FRMD3: variants seen among roughly 807,000 people sequenced by gnomAD.
FRMD3 encodes FERM domain containing 3.
In FRMD3, 33 loss-of-function variants were observed where a neutral mutation model predicts 70.2. The ratio of observed to expected loss-of-function variants is 0.47; its 90% CI spans 0.36 to 0.63. FRMD3 has a LOEUF of 0.63. FRMD3 is among the 20% of genes least tolerant of loss of function. FRMD3 has a pLI of 0.00. For synonymous variants in FRMD3, 279 were observed against 255.9 expected (o/e 1.09, Z -0.86); for missense variants, 632 against 711.4 (o/e 0.89, Z 1.27).
chr9:83,244,670 T>G lies in FRMD3; in HGVS notation c.*3248A>C. 1 of 985,230 alleles carries G rather than the reference T, an allele frequency of 1.0e-6. No individual in the cohort carries two copies. The highest frequency in any genetic ancestry group is 1.2e-6 in the Non-Finnish European group (1 of 829,756). The allele number at this position is 985,230 out of a possible 1,614,324, so 61.0% of individuals were successfully genotyped here. A position where few individuals can be genotyped will look rare whatever the true frequency, so the allele number is the denominator to read the frequency against. On this transcript the variant is annotated 3_prime_UTR_variant, in exon 14 of 14. Transcript: ENST00000304195. ...AGGGATTCCTGCCACCATATTAACA[T>G]ATAAAACAATCTGGATGTTGACATA...
chr9:83,579,935 GAA>G, the FRMD3 span, among the ~76,000 whole-genome samples: 3 of 151,982 alleles, frequency 2.0e-5, no homozygotes, highest in African/African-American at 7.2e-5. Context: ...TCAATAGTAA[GAA>G]AAACAAATAG....
chr9:83,387,774 G>T lies in FRMD3; in HGVS notation c.252+1830C>A, dbSNP rs143004848. Among the ~76,000 whole-genome samples, 778 of 152,258 alleles carry T rather than the reference G, an allele frequency of 5.1e-3. 6 individuals are homozygous for T. The highest frequency in any genetic ancestry group is 0.01 in the East Asian group (52 of 5,186). On this transcript the variant is annotated intron_variant, in intron 2 of 13. Coordinates refer to ENST00000304195, the MANE Select transcript of FRMD3 (RefSeq NM_174938.6). ...ACAGGCTATAAAAAGTTATGGCTATGAATGTCTTTATATCATGGTCCCCAG... is the reference window on the plus strand; with the variant it reads ...ACAGGCTATAAAAAGTTATGGCTATTAATGTCTTTATATCATGGTCCCCAG...
rs368575039 is a variant in FRMD3 at position 83,404,427 on chromosome 9, A to C, written c.148-14719T>G. On this transcript the variant is annotated intron_variant, in intron 1 of 13. Transcript: ENST00000304195. ...CTTCCTGAAGGAAGGAAAATATCAC[A>C]TCCAATCTACCAGCTCTTTATTTCT... is the stretch of plus-strand genomic sequence containing the variant. Among the ~76,000 whole-genome samples the C allele has an allele frequency of 3.3e-5, 5 of 152,246 alleles. No individual in the cohort carries two copies. In the East Asian group the frequency reaches 7.7e-4, roughly 24 times the overall value.
rs192889131 is a variant in FRMD3 at position 83,245,578 on chromosome 9, G to A, written c.*2340C>T. The A allele has an allele frequency of 1.3e-4, 110 of 859,736 alleles. No individual in the cohort carries two copies. Among genetic ancestry groups the A allele is most frequent in the East Asian group, 2.4e-4 (2 of 8,248 alleles). The allele number at this position is 859,736 out of a possible 1,614,324, so 53.3% of individuals were successfully genotyped here. A position where few individuals can be genotyped will look rare whatever the true frequency, so the allele number is the denominator to read the frequency against. On this transcript the variant is annotated 3_prime_UTR_variant, in exon 14 of 14. Transcript: ENST00000304195. The stretch of plus-strand genomic sequence containing the variant: ...TTACTCCTTAAGATAAATCTGCATC[G>A]TTGGATTACATGTGATATTTATACT...
intron 1 of FRMD3, among the ~76,000 whole-genome samples, chr9:83,479,852 A>G (rs974664596): frequency 2.0e-5 from 3 of 151,856 alleles, no homozygotes; most frequent in Non-Finnish European, 2.9e-5. Flanking sequence ...AGCTAATCGC[A>G]ATCAGTAGTG....
rs535318730 is a variant in FRMD3 at position 83,281,372 on chromosome 9, C to T, written c.1195+9231G>A. Among the ~76,000 whole-genome samples the T allele has an allele frequency of 2.6e-5, 4 of 152,306 alleles. No individual in the cohort carries two copies. In the East Asian group the frequency reaches 5.8e-4, roughly 22 times the overall value. ...GTGCCAAGCAAAATGTCTTCCCCTCCGCAGACCACACTCTGGCTGTCACAG... is the reference window on the plus strand; with the variant it reads ...GTGCCAAGCAAAATGTCTTCCCCTCTGCAGACCACACTCTGGCTGTCACAG... On this transcript the variant is annotated intron_variant, in intron 13 of 13. Transcript: ENST00000304195.
At chr9:83,448,892 C>A (rs1314788127) in intron 1 of FRMD3, among the ~76,000 whole-genome samples, 2 of 152,210 alleles carry the variant, frequency 1.3e-5, no homozygotes, top group African/African-American at 2.4e-5. Context: ...CATACCTAGA[C>A]AGCAACCTCA....
chr9:83,572,096 T>C, the FRMD3 span, among the ~76,000 whole-genome samples: 1 of 152,064 alleles, frequency 6.6e-6, no homozygotes, highest in Non-Finnish European at 1.5e-5. Flanking sequence ...AGAATTTTGC[T>C]TGACAAGGAA....
chr9:83,441,966 TATA>T (rs1405721837), intron 1 of FRMD3, among the ~76,000 whole-genome samples: 1 of 152,200 alleles, frequency 6.6e-6, no homozygotes. Context: ...ACTGAATAAA[TATA>T]ATCTGTTTCC....
Position 83,288,250 on chromosome 9 carries a change from C to T in FRMD3, c.1195+2353G>A, listed in dbSNP as rs1587681715. Among the ~76,000 whole-genome samples the T allele has an allele frequency of 3.3e-5, 5 of 152,166 alleles. No individual in the cohort carries two copies. In the East Asian group the frequency reaches 7.7e-4, roughly 24 times the overall value. ...ATCTATCTAATGAAATGCCTGAATC[C>T]CATTGCTTGACATTCAAAGACAAGG... On this transcript the variant is annotated intron_variant, in intron 13 of 13. Transcript: ENST00000304195.
intron 1 of FRMD3, among the ~76,000 whole-genome samples, chr9:83,523,554 A>G (rs1347402082): frequency 6.6e-6 from 1 of 152,240 alleles, no homozygotes; most frequent in African/African-American, 2.4e-5. Context: ...GAAAAAAGTA[A>G]TCTTTAACAA....
chr9:83,278,351 C>A (rs983873181), intron 13 of FRMD3, among the ~76,000 whole-genome samples: 3 of 152,050 alleles, frequency 2.0e-5, no homozygotes, highest in African/African-American at 4.8e-5. Context: ...CCAAAATAAT[C>A]CCCTGGCTAC....
the FRMD3 span, among the ~76,000 whole-genome samples, chr9:83,544,306 G>A: frequency 6.6e-6 from 1 of 152,138 alleles, no homozygotes; most frequent in Non-Finnish European, 1.5e-5. Flanking sequence ...ACCCCCTGAG[G>A]AGACCTTTGT....
intron 6 of FRMD3, among the ~76,000 whole-genome samples, chr9:83,334,492 C>G (rs1056871402): frequency 6.6e-6 from 1 of 152,196 alleles, no homozygotes; most frequent in Non-Finnish European, 1.5e-5. Context: ...GTTGTCTGTT[C>G]CAGAATGCAT....
chr9:83,341,855 A>T (rs1489240265), intron 5 of FRMD3, among the ~76,000 whole-genome samples: 1 of 152,130 alleles, frequency 6.6e-6, no homozygotes, highest in African/African-American at 2.4e-5. Context: ...CAAAGGAACT[A>T]TTTCACAGCA....
intron 1 of FRMD3, among the ~76,000 whole-genome samples, chr9:83,392,732 A>C (rs1825700897): frequency 6.6e-6 from 1 of 152,206 alleles, no homozygotes; most frequent in African/African-American, 2.4e-5. Flanking sequence ...GGGCGAGACA[A>C]TAGCATCCTG....
intron 1 of FRMD3, among the ~76,000 whole-genome samples, chr9:83,533,567 G>T (rs1282208759): frequency 6.6e-6 from 1 of 152,142 alleles, no homozygotes; most frequent in Non-Finnish European, 1.5e-5. Context: ...ATCTAATGCT[G>T]GCATGCTACC....
chr9:83,462,968 T>A (rs1828017334), intron 1 of FRMD3, among the ~76,000 whole-genome samples: 1 of 152,220 alleles, frequency 6.6e-6, no homozygotes, highest in Non-Finnish European at 1.5e-5. Flanking sequence ...CAGTATTATA[T>A]AATCCAAACA....
chr9:83,331,887 T>C (rs1460718079), intron 6 of FRMD3: 2 of 717,492 alleles, frequency 2.8e-6, no homozygotes, highest in Non-Finnish European at 5.2e-6. Context: ...TCCTTGATCC[T>C]GGGTAAGATC....
Sources: allele counts gnomAD v4.1 joint callset (sites outside exome capture counted in the v4.1 genomes callset), GRCh38; gene constraint gnomAD v4.1.1; transcripts MANE v1.5; gene names NCBI Gene and HGNC (gene_info 2026-07-23, HGNC 2026-07-21).